The following NUP37 variants were observed in gnomAD, a reference collection of about 807,000 sequenced individuals.
NUP37 encodes the protein nucleoporin 37.
Under a neutral mutation model 45.4 loss-of-function variants are expected in NUP37, and 33 were observed. That is an observed-to-expected ratio of 0.73 (90% CI 0.55 to 0.97). The LOEUF (loss-of-function observed/expected upper bound fraction) is 0.97. Ranked by LOEUF, NUP37 falls within the 50% of genes least tolerant of loss-of-function variation. The pLI is 0.00. For missense variants in NUP37, 365 were observed against 389.7 expected (o/e 0.94, Z 0.53); for synonymous variants, 127 against 130.7 (o/e 0.97, Z 0.19).
At chr12:102,078,043 T>C (rs2136711967) in intron 6 of NUP37, among the ~76,000 whole-genome samples, 1 of 152,086 alleles carries the variant, frequency 6.6e-6, no homozygotes, top group South Asian at 2.1e-4. Flanking sequence ...CAATTCAAGA[T>C]TTGGCCGGGT....
At chr12:102,082,979 G>C (rs1879369602) in intron 6 of NUP37, among the ~76,000 whole-genome samples, 2 of 152,084 alleles carry the variant, frequency 1.3e-5, no homozygotes, top group East Asian at 3.9e-4. Context: ...ATGTGATTTA[G>C]AACAGGGACT....
intron 5 of NUP37, among the ~76,000 whole-genome samples, chr12:102,087,604 C>T (rs1336922342): frequency 6.6e-6 from 1 of 152,162 alleles, no homozygotes; most frequent in African/African-American, 2.4e-5. Flanking sequence ...GGCAACTGAT[C>T]AAGTATTTCT....
chr12:102,086,994 G>A (rs1185966898), intron 5 of NUP37, among the ~76,000 whole-genome samples: 1 of 152,214 alleles, frequency 6.6e-6, no homozygotes, highest in Non-Finnish European at 1.5e-5. Flanking sequence ...GGCTAAAATG[G>A]CAGGCTGACG....
At position 102,073,547 on chromosome 12, in the gene NUP37, G is replaced by A. The variant is rs28479021; in HGVS notation, c.*807C>T. ...GAACACCTCGTCCAAAGGAATCTGC[G>A]TATAATAAACAGGGTTGAGCAATAT... On this transcript the variant is annotated 3_prime_UTR_variant, in exon 10 of 10. Coordinates refer to ENST00000552283, the MANE Select transcript of NUP37 (RefSeq NM_024057.4). 2.0e-3 allele frequency: 297 copies of A among 152,240 alleles called. No homozygotes were observed. The highest frequency in any genetic ancestry group is 7.0e-3 in the African/African-American group (289 of 41,526). The allele number at this position is 152,240 out of a possible 1,614,324, so 9.4% of individuals were successfully genotyped here.
At chr12:102,097,459 T>TTA (rs1421127767) in intron 5 of NUP37, among the ~76,000 whole-genome samples, 3 of 140,954 alleles carry the variant, frequency 2.1e-5, no homozygotes, top group Non-Finnish European at 3.1e-5. Context: ...GGCAGTAAAC[T>TTA]TAAGTCTTAT....
At chr12:102,101,387 A>C (rs1015121598) in intron 3 of NUP37, among the ~76,000 whole-genome samples, 3 of 152,212 alleles carry the variant, frequency 2.0e-5, no homozygotes, top group African/African-American at 7.2e-5. Context: ...TTTACACTAA[A>C]TCAGCACTTG....
chr12:102,115,265 A>C (rs1880431608), intron 2 of NUP37, among the ~76,000 whole-genome samples: 1 of 152,336 alleles, frequency 6.6e-6, no homozygotes, highest in Admixed American at 6.5e-5. Flanking sequence ...TGCAGAGAGA[A>C]CTGTGCTGTC....
chr12:102,100,603 T>C (rs370751461), intron 4 of NUP37, among the ~76,000 whole-genome samples: 27 of 152,320 alleles, frequency 1.8e-4, no homozygotes, highest in African/African-American at 5.3e-4. Context: ...GTAATAACAC[T>C]GGAGTTTAAA....
chr12:102,080,868 A>G (rs1360662959), intron 6 of NUP37, among the ~76,000 whole-genome samples: 1 of 152,200 alleles, frequency 6.6e-6, no homozygotes, highest in Non-Finnish European at 1.5e-5. Context: ...AAAATATTTG[A>G]TATTTTAAGA....
chr12:102,089,471 C>A (rs1351737924), intron 5 of NUP37, among the ~76,000 whole-genome samples: 1 of 145,268 alleles, frequency 6.9e-6, no homozygotes, highest in East Asian at 2.2e-4. Context: ...CGGGCAGAGG[C>A]GCTCCTCACT....
intron 6 of NUP37, among the ~76,000 whole-genome samples, chr12:102,081,443 A>G (rs914524556): frequency 6.6e-6 from 1 of 152,198 alleles, no homozygotes; most frequent in African/African-American, 2.4e-5. Context: ...AATACTATGC[A>G]CTGTGAATTT....
chr12:102,087,830 C>T (rs1374328465), intron 5 of NUP37, among the ~76,000 whole-genome samples: 1 of 151,722 alleles, frequency 6.6e-6, no homozygotes, highest in African/African-American at 2.4e-5. Flanking sequence ...TTTTTTCTTT[C>T]AAATGAAGGA....
chr12:102,086,004 A>AGCTCTCCGTCTCCGTCTCCGTCTCCG, intron 5 of NUP37, 148 bp from the exon 6 acceptor site: 1 of 437,896 alleles, frequency 2.3e-6, no homozygotes, highest in South Asian at 4.5e-5. Context: ...AGAAAATTAT[A>AGCTCTCCGTCTCCGTCTCCGTCTCCG]ACACCACTTT....
At chr12:102,083,869 C>G (rs181214541) in intron 6 of NUP37, among the ~76,000 whole-genome samples, 2 of 152,128 alleles carry the variant, frequency 1.3e-5, no homozygotes, top group African/African-American at 4.8e-5. Context: ...GAAAAGGCCA[C>G]GGGATGTGTT....
chr12:102,098,960 C>A (rs542625275), intron 5 of NUP37, 146 bp downstream of exon 5: 37 of 666,952 alleles, frequency 5.5e-5, no homozygotes, highest in Non-Finnish European at 9.1e-5. Flanking sequence ...CATGTTTGTG[C>A]CATACCTACA....
At chr12:102,101,350 G>C (rs964416035) in intron 3 of NUP37, among the ~76,000 whole-genome samples, 3 of 152,122 alleles carry the variant, frequency 2.0e-5, no homozygotes, top group Admixed American at 6.5e-5. Flanking sequence ...TTCTGGATGT[G>C]CTTCTTCAGT....
At chr12:102,086,207 T>C (rs1879467218) in intron 5 of NUP37, among the ~76,000 whole-genome samples, 1 of 152,198 alleles carries the variant, frequency 6.6e-6, no homozygotes, top group Non-Finnish European at 1.5e-5. Flanking sequence ...GTTGTCTGAC[T>C]ACTTCAGTAG....
At chr12:102,100,888 TAGTAG>T (rs1273724833) in intron 4 of NUP37, 139 bp downstream of exon 4, 6 of 516,150 alleles carry the variant, frequency 1.2e-5, no homozygotes, top group East Asian at 7.3e-5. Context: ...TTATAACCTA[TAGTAG>T]AGTAAATGAG....
In NUP37 at chr12:102,076,949, T is replaced by A. The variant is rs923038227; in HGVS notation, c.723-102A>T. ...TCTCTTTATAGGACAGAATGTCCAA[T>A]GTGTTTAAACTATAATAAATCCTAA... On this transcript the variant is annotated intron_variant, in intron 7 of 9. Transcript: ENST00000552283. The A allele has an allele frequency of 1.2e-5, 10 of 804,606 alleles. No individual in the cohort carries two copies. The Admixed American group carries it at 1.3e-4, about 11-fold the overall frequency. 49.8% of individuals were successfully genotyped at this position (804,606 alleles called of 1,614,324 possible).
Sources: allele counts gnomAD v4.1 joint callset (sites outside exome capture counted in the v4.1 genomes callset), GRCh38; gene constraint gnomAD v4.1.1; transcripts MANE v1.5; gene names NCBI Gene and HGNC (gene_info 2026-07-23, HGNC 2026-07-21).